The following WDFY3 variants were observed in gnomAD, a reference collection of about 807,000 sequenced individuals.
The protein encoded by WDFY3 is WD repeat and FYVE domain containing 3.
WDFY3 carries 66 observed loss-of-function variants against 409.6 expected under a neutral mutation model. That is an observed-to-expected ratio of 0.16 (90% CI 0.13 to 0.20). The LOEUF (loss-of-function observed/expected upper bound fraction) is 0.20. Among genes scored for constraint, WDFY3 ranks in the 10% least tolerant of loss-of-function variants. WDFY3 has a pLI of 1.00. For synonymous variants in WDFY3, 1,521 were observed against 1,537.1 expected, an observed-to-expected ratio of 0.99 and a Z score of 0.25; for missense variants, 3,031 against 4,298.1, an observed-to-expected ratio of 0.71 and a Z score of 8.24.
intron 1 of WDFY3, among the ~76,000 whole-genome samples, chr4:84,942,354 G>A (rs1322290446): frequency 2.0e-5 from 3 of 151,712 alleles, no homozygotes; most frequent in South Asian, 2.1e-4. Flanking sequence ...AAAGCAAACT[G>A]ATTTTAAAAA....
Position 84,679,144 on chromosome 4 carries a change from T to A in WDFY3, c.9922A>T (p.Ser3308Cys). 1 of 1,614,014 alleles carries A rather than the reference T, an allele frequency of 6.2e-7. No homozygotes were observed. The highest frequency in any genetic ancestry group is 8.5e-7 in the Non-Finnish European group (1 of 1,179,958). The change falls in exon 65 of 68, where the codon AGC becomes TGC. Residue 3308 changes from serine (S) to cysteine (C), a missense_variant. Ser to Cys is a moderately radical substitution (Grantham distance 112). This residue lies in a region of WDFY3 where 378 missense variants were observed against 477.3 expected (regional missense o/e 0.79). Transcript: ENST00000295888. ...CAGGAGGCTGCCCGGGGCCTGTGGCTGGTGCTGCTGGGTTGGCTTGGAGTG... is the reference window on the plus strand; with the variant it reads ...CAGGAGGCTGCCCGGGGCCTGTGGCAGGTGCTGCTGGGTTGGCTTGGAGTG... ...KDTPSQPSST[S>C]HRPRAASCRA...
chr4:84,680,416 A>G (rs1727163308), intron 64 of WDFY3, among the ~76,000 whole-genome samples: 1 of 152,156 alleles, frequency 6.6e-6, no homozygotes, highest in African/African-American at 2.4e-5. Flanking sequence ...CAGCCTTCTG[A>G]GTAGCTGGGA....
intron 30 of WDFY3, among the ~76,000 whole-genome samples, chr4:84,767,129 G>C (rs1232780041): frequency 6.6e-6 from 1 of 151,476 alleles, no homozygotes; most frequent in Admixed American, 6.6e-5. Flanking sequence ...TTTTTCAAAA[G>C]CATGTGCTCA....
rs1306892991 is a variant in WDFY3 at position 84,821,239 on chromosome 4, C to T, written c.1436G>A (p.Ser479Asn). 3 of 1,613,658 alleles carry T rather than the reference C, an allele frequency of 1.9e-6. No homozygotes were observed. The highest frequency in any genetic ancestry group is 1.7e-6 in the Non-Finnish European group (2 of 1,179,784). The change falls in exon 11 of 68, where the codon AGC becomes AAC. Residue 479 changes from serine (S) to asparagine (N), a missense_variant. Ser to Asn is a conservative substitution (Grantham distance 46). Around this residue, in one of 16 missense-constraint regions of WDFY3, gnomAD observed 1,322 missense variants for 1,697.9 expected, o/e 0.78. Transcript: ENST00000295888. ...LLKSSSSYHC[S>N]IIAMKTLLKF... is the part of the protein sequence containing the mutation. ...AAGAAGTGTTTTCATTGCAATAATGCTACAGTGATAAGAAGAGCTAGATTT... is the reference window on the plus strand; with the variant it reads ...AAGAAGTGTTTTCATTGCAATAATGTTACAGTGATAAGAAGAGCTAGATTT...
At chr4:84,688,287 C>T (rs1728660870) in intron 61 of WDFY3, 22 bp from the exon 62 acceptor site, 2 of 1,605,896 alleles carry the variant, frequency 1.2e-6, no homozygotes, top group Non-Finnish European at 1.7e-6. Context: ...AACAAACAAA[C>T]AAAATCAGGT....
chr4:84,676,081 A>C (rs1726235124), intron 67 of WDFY3, among the ~76,000 whole-genome samples: 1 of 152,242 alleles, frequency 6.6e-6, no homozygotes, highest in African/African-American at 2.4e-5. Context: ...ATGTGACTAC[A>C]ACCAGTTTAA....
chr4:84,815,701 A>G (rs1300637867), intron 13 of WDFY3, among the ~76,000 whole-genome samples: 1 of 152,150 alleles, frequency 6.6e-6, no homozygotes, highest in Admixed American at 6.5e-5. Context: ...AAGTACAAAA[A>G]TGAGCTGAAT....
At chr4:84,766,483 C>A in intron 30 of WDFY3, 111 bp from the exon 31 acceptor site, 1 of 1,081,298 alleles carries the variant, frequency 9.2e-7, no homozygotes, top group Non-Finnish European at 1.3e-6. Context: ...AAAACATTTT[C>A]TCCAGGACTG....
intron 66 of WDFY3, 151 bp downstream of exon 66, chr4:84,678,017 A>G: frequency 1.9e-6 from 1 of 531,984 alleles, no homozygotes; most frequent in Non-Finnish European, 3.4e-6. Context: ...TCCACACACT[A>G]ACAGGGTTCT....
chr4:84,764,772 G>A, intron 32 of WDFY3, among the ~76,000 whole-genome samples: 1 of 151,850 alleles, frequency 6.6e-6, no homozygotes, highest in East Asian at 1.9e-4. Context: ...AGGAGGCTGA[G>A]GCAGGAAGAA....
intron 32 of WDFY3, among the ~76,000 whole-genome samples, chr4:84,763,143 G>A (rs1025810068): frequency 4.6e-5 from 7 of 151,858 alleles, no homozygotes; most frequent in South Asian, 2.1e-4. Context: ...AATATATCAC[G>A]ATTAAGCATT....
chr4:84,796,571 T>C lies in WDFY3; in HGVS notation c.3117A>G (p.Ser1039=). 2 of 1,607,950 alleles carry C rather than the reference T, an allele frequency of 1.2e-6. No individual in the cohort carries two copies. The highest frequency in any genetic ancestry group is 8.5e-7 in the Non-Finnish European group (1 of 1,176,832). The part of the protein sequence containing the change: ...TTPHDIRLHG[S]SVTPAFVEFD... ...ATTCAACAAAAGCTGGAGTAACTGA[T>C]GACCCATGAAGTCTGATGTCATGTG... Residue 1039 remains serine (S), a synonymous_variant, in exon 19 of 68, where the codon TCA becomes TCG. Transcript: ENST00000295888.
At chr4:84,893,848 G>A (rs922986185) in intron 3 of WDFY3, among the ~76,000 whole-genome samples, 1 of 152,112 alleles carries the variant, frequency 6.6e-6, no homozygotes, top group African/African-American at 2.4e-5. Context: ...AAATTAGCCA[G>A]ATGTGGTGGC....
At chr4:84,698,903 G>C (rs1578172119) in intron 56 of WDFY3, among the ~76,000 whole-genome samples, 1 of 152,104 alleles carries the variant, frequency 6.6e-6, no homozygotes. Context: ...AGCCAGGCTG[G>C]TCTCGAATTC....
At chr4:84,849,856 T>C in intron 5 of WDFY3, 46 bp downstream of exon 5, 5 of 1,602,740 alleles carry the variant, frequency 3.1e-6, no homozygotes, top group Non-Finnish European at 4.2e-6. Context: ...ACAGAACTGC[T>C]TGTTCATTCA....
chr4:84,778,786 T>C (rs1056477006), intron 26 of WDFY3, 131 bp from the exon 27 acceptor site: 2 of 751,416 alleles, frequency 2.7e-6, no homozygotes, highest in African/African-American at 1.8e-5. Context: ...CAGAATCCTA[T>C]GTAGATGATT....
chr4:84,756,797 T>G (rs1741543492), intron 33 of WDFY3, 129 bp downstream of exon 33: 1 of 1,124,328 alleles, frequency 8.9e-7, no homozygotes, highest in African/African-American at 1.6e-5. Flanking sequence ...GATTTTTCTG[T>G]CCCAAATCAA....
intron 24 of WDFY3, 54 bp from the exon 25 acceptor site, chr4:84,783,128 T>C: frequency 6.6e-7 from 1 of 1,516,120 alleles, no homozygotes; most frequent in South Asian, 1.1e-5. Context: ...TTTCAATGTT[T>C]TGATTGGAAA....
chr4:84,755,082 C>T (rs1741204851), intron 34 of WDFY3, among the ~76,000 whole-genome samples, 184 bp downstream of exon 34: 1 of 152,100 alleles, frequency 6.6e-6, no homozygotes, highest in Non-Finnish European at 1.5e-5. Context: ...CCAGAGTGCA[C>T]GGTCTTAACA....
Sources: allele counts gnomAD v4.1 joint callset (sites outside exome capture counted in the v4.1 genomes callset), GRCh38; gene constraint gnomAD v4.1.1; regional missense constraint gnomAD v4.1.1; transcripts MANE v1.5; gene names NCBI Gene and HGNC (gene_info 2026-07-23, HGNC 2026-07-21).